SYNPR: variants seen among roughly 807,000 people sequenced by gnomAD.
SYNPR encodes synaptoporin.
A neutral mutation model predicts 32.9 loss-of-function variants in SYNPR; 23 were observed. That is an observed-to-expected ratio of 0.70 (90% CI 0.50 to 0.99). SYNPR has a LOEUF of 0.99. Ranked by LOEUF, SYNPR falls within the 50% of genes least tolerant of loss-of-function variation. The pLI is 0.00. For missense variants in SYNPR, 318 were observed against 349.3 expected, an observed-to-expected ratio of 0.91 and a Z score of 0.71; for synonymous variants, 146 against 135.9, an observed-to-expected ratio of 1.07 and a Z score of -0.52.
chr3:63,245,866 A>C (rs1040858810), intron 1 of SYNPR, among the ~76,000 whole-genome samples: 1 of 151,970 alleles, frequency 6.6e-6, no homozygotes, highest in African/African-American at 2.4e-5. Flanking sequence ...AACAATGAAC[A>C]GTCTGAATAT....
At chr3:63,350,967 G>C (rs988541051) in intron 2 of SYNPR, among the ~76,000 whole-genome samples, 1 of 152,124 alleles carries the variant, frequency 6.6e-6, no homozygotes, top group Non-Finnish European at 1.5e-5. Context: ...CTGACCCTCA[G>C]TTGGGTTCCA....
intron 4 of SYNPR, among the ~76,000 whole-genome samples, chr3:63,561,926 G>A (rs1428085144): frequency 6.6e-6 from 1 of 152,156 alleles, no homozygotes; most frequent in African/African-American, 2.4e-5. Context: ...AAGTAAAAAT[G>A]AGAATCTGAA....
chr3:63,311,612 C>T (rs1488242157), intron 2 of SYNPR, among the ~76,000 whole-genome samples: 2 of 151,964 alleles, frequency 1.3e-5, no homozygotes, highest in Non-Finnish European at 2.9e-5. Flanking sequence ...ATGGAAAAAT[C>T]GTCTTCCATG....
intron 5 of SYNPR, chr3:63,610,435 T>C: frequency 1.5e-6 from 1 of 681,658 alleles, no homozygotes. Context: ...ATCCTAGAAA[T>C]AATTATCTTT....
intron 4 of SYNPR, among the ~76,000 whole-genome samples, chr3:63,580,789 C>T (rs1703076365): frequency 6.6e-6 from 1 of 152,142 alleles, no homozygotes; most frequent in African/African-American, 2.4e-5. Context: ...AAATTAGTCT[C>T]ATTATACAGT....
chr3:63,412,924 A>C (rs1349070300), intron 2 of SYNPR, among the ~76,000 whole-genome samples: 1 of 152,170 alleles, frequency 6.6e-6, no homozygotes, highest in African/African-American at 2.4e-5. Context: ...CTTTAATAAG[A>C]GATCTGAGAA....
chr3:63,495,832 T>A (rs1432191961), intron 3 of SYNPR, among the ~76,000 whole-genome samples: 2 of 152,102 alleles, frequency 1.3e-5, no homozygotes, highest in Non-Finnish European at 2.9e-5. Context: ...AGCACAGGAT[T>A]TTTTTAAGGC....
intron 2 of SYNPR, among the ~76,000 whole-genome samples, chr3:63,310,283 T>G (rs948064919): frequency 1.3e-5 from 2 of 152,024 alleles, no homozygotes; most frequent in Admixed American, 6.6e-5. Flanking sequence ...TTTATGCAAT[T>G]AAAAAAGTGA....
intron 3 of SYNPR, among the ~76,000 whole-genome samples, chr3:63,548,105 C>T (rs568110676): frequency 2.0e-5 from 3 of 152,216 alleles, no homozygotes; most frequent in Admixed American, 6.5e-5. Context: ...ACTCTCATTC[C>T]CCATAGTTCA....
upstream of SYNPR, among the ~76,000 whole-genome samples, chr3:63,275,398 T>C (rs2086564843): frequency 6.6e-6 from 1 of 152,226 alleles, no homozygotes; most frequent in African/African-American, 2.4e-5. Context: ...AAAAGCATCC[T>C]CTGACAATGT....
At chr3:63,556,085 G>A (rs899004715) in intron 3 of SYNPR, among the ~76,000 whole-genome samples, 6 of 152,178 alleles carry the variant, frequency 3.9e-5, no homozygotes, top group African/African-American at 1.4e-4. Context: ...CTGGAGACAG[G>A]ACCATGTTTG....
At chr3:63,222,019 T>TTTTTTTTTTTTTTTTTTTTTTC in the SYNPR span, among the ~76,000 whole-genome samples, 1 of 132,862 alleles carries the variant, frequency 7.5e-6, no homozygotes, top group Non-Finnish European at 1.6e-5. Flanking sequence ...CAATTTTTTT[T>TTTTTTTTTTTTTTTTTTTTTTC]TTTTTTTTTT....
At chr3:63,456,165 T>C (rs1700477443) in intron 2 of SYNPR, among the ~76,000 whole-genome samples, 1 of 152,064 alleles carries the variant, frequency 6.6e-6, no homozygotes, top group African/African-American at 2.4e-5. Context: ...ATCTCCATGA[T>C]TCAATTACTT....
intron 2 of SYNPR, among the ~76,000 whole-genome samples, chr3:63,281,872 T>C (rs2086633162): frequency 6.6e-6 from 1 of 152,180 alleles, no homozygotes; most frequent in South Asian, 2.1e-4. Flanking sequence ...TGTTATGAAA[T>C]ATTATATTGC....
intron 2 of SYNPR, among the ~76,000 whole-genome samples, chr3:63,419,258 C>T (rs2088577812): frequency 6.6e-6 from 1 of 152,182 alleles, no homozygotes; most frequent in Non-Finnish European, 1.5e-5. Flanking sequence ...CTGTGTGAAG[C>T]CAGACTAGTT....
intron 2 of SYNPR, among the ~76,000 whole-genome samples, chr3:63,406,202 C>G (rs1234213773): frequency 6.8e-6 from 1 of 147,888 alleles, no homozygotes; most frequent in African/African-American, 2.6e-5. Context: ...TAGAATGCAG[C>G]TTTAAAAAAA....
chr3:63,289,518 T>C (rs752392449), intron 2 of SYNPR: 22 of 153,784 alleles, frequency 1.4e-4, no homozygotes, highest in Non-Finnish European at 3.0e-4. Flanking sequence ...AAGGTGCCAG[T>C]TTCTTTTTAA....
At chr3:63,435,305 A>T (rs1363087878) in intron 2 of SYNPR, among the ~76,000 whole-genome samples, 1 of 152,236 alleles carries the variant, frequency 6.6e-6, no homozygotes, top group East Asian at 1.9e-4. Context: ...ATTCTAGTAG[A>T]TCAGGTTGAA....
chr3:63,556,732 C>A lies in SYNPR; in HGVS notation c.399C>A (p.Gly133=). The A allele has an allele frequency of 6.2e-7, 1 of 1,611,412 alleles. No individual in the cohort carries two copies. The highest frequency in any genetic ancestry group is 8.5e-7 in the Non-Finnish European group (1 of 1,178,926). The change falls in exon 4 of 6, where the codon GGC becomes GGA. Residue 133 remains glycine (G), a synonymous_variant. Coordinates refer to ENST00000478300, the MANE Select transcript of SYNPR (RefSeq NM_001130003.2). ...FQNKYRENNR[G]PLIDFIVTVV... ...ACAAATACCGGGAAAACAACCGGGG[C>A]CCACTCATTGTAAGTGGTTTTCTTT...
Sources: allele counts gnomAD v4.1 joint callset (sites outside exome capture counted in the v4.1 genomes callset), GRCh38; gene constraint gnomAD v4.1.1; transcripts MANE v1.5; gene names NCBI Gene and HGNC (gene_info 2026-07-23, HGNC 2026-07-21).